The following LINGO2 variants were observed in gnomAD, a reference collection of about 807,000 sequenced individuals.
LINGO2 encodes the protein leucine-rich repeat and immunoglobulin-like domain-containing nogo receptor-interacting protein 2.
LINGO2 carries 14 observed loss-of-function variants against 30.6 expected under a neutral mutation model. The observed-to-expected ratio is 0.46, with a 90% confidence interval of 0.30 to 0.72. LINGO2 has a LOEUF of 0.72. LINGO2 is among the 30% of genes least tolerant of loss of function. LINGO2 has a pLI of 0.07. For synonymous variants in LINGO2, 317 were observed against 288.5 expected (o/e 1.10, Z -1.00); for missense variants, 729 against 751.7 (o/e 0.97, Z 0.35).
At chr9:28,036,930 C>T (rs1233695302) in intron 4 of LINGO2, among the ~76,000 whole-genome samples, 1 of 152,176 alleles carries the variant, frequency 6.6e-6, no homozygotes, top group African/African-American at 2.4e-5. Context: ...AGAAGGTTCT[C>T]AGACCATACA....
the LINGO2 span, among the ~76,000 whole-genome samples, chr9:28,712,684 T>C: frequency 6.6e-6 from 1 of 151,744 alleles, no homozygotes; most frequent in Non-Finnish European, 1.5e-5. Flanking sequence ...ATGTTACCAT[T>C]AACTCCAAAT....
At chr9:28,093,271 T>C (rs1826149796) in intron 4 of LINGO2, among the ~76,000 whole-genome samples, 1 of 152,094 alleles carries the variant, frequency 6.6e-6, no homozygotes, top group African/African-American at 2.4e-5. Flanking sequence ...GTCACAGAGC[T>C]GCAGACACCT....
chr9:28,069,730 C>A (rs989895630), intron 4 of LINGO2, among the ~76,000 whole-genome samples: 1 of 152,114 alleles, frequency 6.6e-6, no homozygotes, highest in Non-Finnish European at 1.5e-5. Flanking sequence ...TAGTGCCCAG[C>A]GAGCCTGATG....
chr9:28,869,745 C>A, the LINGO2 span, among the ~76,000 whole-genome samples: 10 of 151,840 alleles, frequency 6.6e-5, no homozygotes, highest in Non-Finnish European at 1.3e-4. Context: ...GGTCAAAAAT[C>A]AATAGGTGAT....
the LINGO2 span, among the ~76,000 whole-genome samples, chr9:28,952,609 G>A: frequency 6.6e-6 from 1 of 152,080 alleles, no homozygotes; most frequent in Admixed American, 6.6e-5. Flanking sequence ...TGCCCTCTTA[G>A]AACTCTTCCA....
the LINGO2 span, among the ~76,000 whole-genome samples, chr9:29,014,121 T>C: frequency 3.9e-5 from 6 of 152,184 alleles, no homozygotes; most frequent in Admixed American, 2.6e-4. Flanking sequence ...TTATGCAGCA[T>C]ATATGTTATA....
At chr9:29,062,968 T>C in the LINGO2 span, among the ~76,000 whole-genome samples, 25,370 of 152,084 alleles carry the variant, frequency 0.17, 2,281 homozygotes, top group East Asian at 0.34. Flanking sequence ...GTTCTAGACT[T>C]GGTTGGCTCT....
chr9:28,242,961 T>G (rs1441506702), intron 4 of LINGO2, among the ~76,000 whole-genome samples: 4 of 151,838 alleles, frequency 2.6e-5, no homozygotes, highest in Non-Finnish European at 5.9e-5. Flanking sequence ...CTTGCAAGAG[T>G]TCCTGAAGAA....
intron 4 of LINGO2, among the ~76,000 whole-genome samples, chr9:28,211,052 T>C (rs1820572907): frequency 1.3e-5 from 2 of 151,562 alleles, no homozygotes; most frequent in Admixed American, 6.6e-5. Flanking sequence ...GCAAATTTCA[T>C]AAGCACTCTT....
Position 28,139,741 on chromosome 9 carries a change from TA to T in LINGO2, c.-86-127337del, listed in dbSNP as rs961167642. Among the ~76,000 whole-genome samples the T allele has an allele frequency of 1.8e-4, 27 of 151,604 alleles. No homozygotes were observed. The South Asian group carries it at 1.9e-3, about 11-fold the overall frequency. On this transcript the variant is annotated intron_variant, in intron 4 of 5. Coordinates refer to ENST00000379992, the Ensembl canonical transcript of LINGO2. Reference sequence around the variant, plus strand: ...GAATATTAAGAAAGGTATCACGAAATAAAAAAAATAAGGGAAAATACAATGA... The same window carrying T: ...GAATATTAAGAAAGGTATCACGAAATAAAAAAATAAGGGAAAATACAATGA...
rs182388366 is a variant in LINGO2, at chr9:28,497,915, G to C, written c.-364-21890C>G. On this transcript the variant is annotated intron_variant, in intron 1 of 5. Coordinates refer to ENST00000379992, the Ensembl canonical transcript of LINGO2. ...GCTGCAGGTCTGCTGGAGTTTGCTGGAGGTCCATTCCAGACCCTGTTTGCC... is the reference window on the plus strand; with the variant it reads ...GCTGCAGGTCTGCTGGAGTTTGCTGCAGGTCCATTCCAGACCCTGTTTGCC... Among the ~76,000 whole-genome samples, 567 of 152,300 alleles carry C rather than the reference G, an allele frequency of 3.7e-3. 4 individuals carry two copies. Among genetic ancestry groups the C allele is most frequent in the African/African-American group, 0.013 (526 of 41,566 alleles).
chr9:28,785,204 C>T, the LINGO2 span, among the ~76,000 whole-genome samples: 2 of 152,156 alleles, frequency 1.3e-5, no homozygotes, highest in Non-Finnish European at 1.5e-5. Context: ...TAGTAAGATA[C>T]ACTGGATAGA....
At chr9:28,675,269 TG>T (rs1483124583), upstream of LINGO2, among the ~76,000 whole-genome samples, 7 of 152,182 alleles carry the variant, frequency 4.6e-5, no homozygotes, top group African/African-American at 1.7e-4. Context: ...CAAAACTGAA[TG>T]GCTTTGGACA....
chr9:28,063,595 C>T (rs1825221396), intron 4 of LINGO2, among the ~76,000 whole-genome samples: 1 of 151,912 alleles, frequency 6.6e-6, no homozygotes, highest in South Asian at 2.1e-4. Context: ...GTAAATATTC[C>T]CAAATCATAT....
At chr9:29,044,961 T>C in the LINGO2 span, among the ~76,000 whole-genome samples, 1 of 152,112 alleles carries the variant, frequency 6.6e-6, no homozygotes, top group Non-Finnish European at 1.5e-5. Flanking sequence ...TTGTAAATAT[T>C]TCTCTCTCTC....
chr9:28,594,161 A>G (rs1048502446), intron 1 of LINGO2, among the ~76,000 whole-genome samples: 1 of 152,100 alleles, frequency 6.6e-6, no homozygotes, highest in African/African-American at 2.4e-5. Flanking sequence ...TTCATAGTCT[A>G]AACTACATAT....
At chr9:28,727,646 A>G in the LINGO2 span, among the ~76,000 whole-genome samples, 1 of 152,134 alleles carries the variant, frequency 6.6e-6, no homozygotes, top group Non-Finnish European at 1.5e-5. Context: ...TAGATAGATA[A>G]AACAGTCAAC....
chr9:27,964,602 C>A (rs993686559), intron 5 of LINGO2, among the ~76,000 whole-genome samples: 2 of 152,006 alleles, frequency 1.3e-5, no homozygotes, highest in African/African-American at 2.4e-5. Context: ...TTATTCTTTT[C>A]TTCTATTGTC....
At chr9:28,346,221 G>A (rs1248868453) in intron 3 of LINGO2, among the ~76,000 whole-genome samples, 2 of 152,122 alleles carry the variant, frequency 1.3e-5, no homozygotes, top group African/African-American at 2.4e-5. Context: ...TCTTCAAGTA[G>A]GCCCCACTGT....
Sources: allele counts gnomAD v4.1 joint callset (sites outside exome capture counted in the v4.1 genomes callset), GRCh38; gene constraint gnomAD v4.1.1; transcripts MANE v1.5; gene names NCBI Gene and HGNC (gene_info 2026-07-23, HGNC 2026-07-21).